The following SP4 variants were observed in gnomAD, a reference collection of about 807,000 sequenced individuals.
The protein encoded by SP4 is Sp4 transcription factor, also known as transcription factor Sp4.
In SP4, 19 loss-of-function variants were observed where a neutral mutation model predicts 72.8. The observed-to-expected ratio is 0.26, with a 90% CI of 0.18 to 0.38. The LOEUF (loss-of-function observed/expected upper bound fraction) is 0.38, where lower values mean the gene tolerates loss of function less well. Among genes scored for constraint, SP4 ranks in the 10% least tolerant of loss-of-function variants. The pLI, the probability that SP4 is intolerant of heterozygous loss-of-function variation, is 1.00. For synonymous variants in SP4, 395 were observed against 333.1 expected, an observed-to-expected ratio of 1.19 and a Z score of -2.02; for missense variants, 1,008 against 926.3, an observed-to-expected ratio of 1.09 and a Z score of -1.14.
intron 3 of SP4, among the ~76,000 whole-genome samples, chr7:21,461,949 A>G (rs1322243224): frequency 6.6e-6 from 1 of 152,212 alleles, no homozygotes; most frequent in Non-Finnish European, 1.5e-5. Context: ...AGGACAGGTG[A>G]AAAGGGTATG....
At chr7:21,484,452 A>G (rs1784762724) in intron 5 of SP4, among the ~76,000 whole-genome samples, 2 of 151,932 alleles carry the variant, frequency 1.3e-5, no homozygotes, top group Non-Finnish European at 2.9e-5. Context: ...AGATTTTTGT[A>G]TTAGGGATGC....
chr7:21,430,889 A>G (rs1782827466), intron 3 of SP4, 46 bp downstream of exon 3: 2 of 1,386,120 alleles, frequency 1.4e-6, no homozygotes, highest in Non-Finnish European at 2.0e-6. Flanking sequence ...AGTTTTTCAT[A>G]ACAATTATTG....
chr7:21,437,969 A>G (rs186621396), intron 3 of SP4, among the ~76,000 whole-genome samples: 1 of 152,210 alleles, frequency 6.6e-6, no homozygotes, highest in African/African-American at 2.4e-5. Context: ...AAAGAAAACA[A>G]GAAATTGTGA....
chr7:21,439,719 A>G (rs193038035), intron 3 of SP4, among the ~76,000 whole-genome samples: 94 of 152,092 alleles, frequency 6.2e-4, no homozygotes, highest in African/African-American at 2.0e-3. Flanking sequence ...GTGAGACTGT[A>G]CCTCTACGAA....
Position 21,475,075 on chromosome 7 carries a change from GCTTTGAAATAACCTCCCCCACC to G in SP4, c.1679-1999_1679-1978del, listed in dbSNP as rs543946498. 2.2e-4 allele frequency among the ~76,000 whole-genome samples: 34 copies of G among 151,714 alleles called. No homozygotes were observed. The South Asian group carries it at 6.7e-3, about 30-fold the overall frequency. ...ATACATTTAAGGTACTACATGTGCA[GCTTTGAAATAACCTCCCCCACC>G]CTTTTTTTGTTTTTTGTTTTTTGTT... On this transcript the variant is annotated intron_variant, in intron 3 of 5. Coordinates refer to ENST00000222584, the MANE Select transcript of SP4 (RefSeq NM_003112.5).
rs1049992973 is a variant in SP4 at position 21,429,984 on chromosome 7, C to T, written c.819C>T (p.Asn273=). The T allele has an allele frequency of 4.3e-6, 7 of 1,614,042 alleles. No individual in the cohort carries two copies. The highest frequency in any genetic ancestry group is 2.7e-5 in the African/African-American group (2 of 74,928). The part of the protein sequence containing the change: ...GVTLALPVIN[N]VAAGGGTGQV... ...CTCTAGCTTTGCCAGTGATAAACAA[C>T]GTGGCTGCCGGAGGAGGGACTGGGC... Residue 273 remains asparagine (N), a synonymous_variant, in exon 3 of 6, where the codon AAC becomes AAT. Coordinates refer to ENST00000222584, the MANE Select transcript of SP4 (RefSeq NM_003112.5).
chr7:21,466,042 C>T (rs887173892), intron 3 of SP4, among the ~76,000 whole-genome samples: 10 of 152,158 alleles, frequency 6.6e-5, no homozygotes, highest in African/African-American at 2.4e-4. Flanking sequence ...TCAGTGGATT[C>T]ATCTCCTCTG....
At chr7:21,461,576 A>G (rs374507449) in intron 3 of SP4, among the ~76,000 whole-genome samples, 7 of 152,226 alleles carry the variant, frequency 4.6e-5, no homozygotes, top group African/African-American at 1.7e-4. Flanking sequence ...CCGGAACTCT[A>G]GCTGGCCTGC....
At chr7:21,445,007 G>A (rs1437111885) in intron 3 of SP4, among the ~76,000 whole-genome samples, 1 of 152,130 alleles carries the variant, frequency 6.6e-6, no homozygotes, top group Non-Finnish European at 1.5e-5. Flanking sequence ...GAATTAGAAA[G>A]AAAGTTTTTA....
rs139023638 is a variant in SP4 at position 21,510,238 on chromosome 7, A to G, written c.2108-784A>G. Among the ~76,000 whole-genome samples the G allele has an allele frequency of 9.2e-3, 1,401 of 152,290 alleles. 20 individuals carry two copies. Among genetic ancestry groups the G allele is most frequent in the African/African-American group, 0.032 (1,345 of 41,550 alleles). On this transcript the variant is annotated intron_variant, in intron 5 of 5. Coordinates refer to ENST00000222584, the MANE Select transcript of SP4 (RefSeq NM_003112.5). ...AAACAACATTTCAGTCCCTTAAGTA[A>G]CAATTTTAGAGGGAAGATCTACGGC...
At chr7:21,440,781 C>G (rs750192384) in intron 3 of SP4, among the ~76,000 whole-genome samples, 1 of 152,086 alleles carries the variant, frequency 6.6e-6, no homozygotes, top group African/African-American at 2.4e-5. Flanking sequence ...GCCTGAAAGT[C>G]GAAGGTTGCA....
rs983274225 is a variant in SP4, at chr7:21,501,500, T to C, written c.2108-9522T>C. 2.6e-5 allele frequency among the ~76,000 whole-genome samples: 4 copies of C among 152,340 alleles called. No homozygotes were observed. The East Asian group carries it at 7.7e-4, about 29-fold the overall frequency. Reference sequence around the variant, plus strand: ...TATTTTGCTGGTTAAGTCATGGGCATTTGTTTATTAATAGCTGTTTTAATC... The same window carrying C: ...TATTTTGCTGGTTAAGTCATGGGCACTTGTTTATTAATAGCTGTTTTAATC... On this transcript the variant is annotated intron_variant, in intron 5 of 5. Transcript: ENST00000222584.
At chr7:21,458,285 T>A (rs1417043824) in intron 3 of SP4, among the ~76,000 whole-genome samples, 1 of 152,108 alleles carries the variant, frequency 6.6e-6, no homozygotes, top group Non-Finnish European at 1.5e-5. Context: ...CTCCGCCTCC[T>A]GGGTTCAAGC....
rs570288979 is a variant in SP4 at position 21,506,690 on chromosome 7, T to C, written c.2108-4332T>C. Among the ~76,000 whole-genome samples, 49 of 152,314 alleles carry C rather than the reference T, an allele frequency of 3.2e-4. No individual in the cohort carries two copies. The South Asian group carries it at 9.7e-3, about 30-fold the overall frequency. Reference sequence around the variant, plus strand: ...TGGTTTCTCTTTCCATCCATCAATCTTTTGTAATTTTTTGGTAATGTCAGG... The same window carrying C: ...TGGTTTCTCTTTCCATCCATCAATCCTTTGTAATTTTTTGGTAATGTCAGG... On this transcript the variant is annotated intron_variant, in intron 5 of 5. Coordinates refer to ENST00000222584, the MANE Select transcript of SP4 (RefSeq NM_003112.5).
chr7:21,450,274 A>C lies in SP4; in HGVS notation c.1678+19431A>C, dbSNP rs945846071. Among the ~76,000 whole-genome samples, 7 of 152,318 alleles carry C rather than the reference A, an allele frequency of 4.6e-5. No individual in the cohort carries two copies. The South Asian group carries it at 8.3e-4, about 18-fold the overall frequency. On this transcript the variant is annotated intron_variant, in intron 3 of 5. Transcript: ENST00000222584. ...TATTGTGAACAGAGCCAACATGAGAAATTGCTGACTAGGGATATCAATAAT... is the reference window on the plus strand; with the variant it reads ...TATTGTGAACAGAGCCAACATGAGACATTGCTGACTAGGGATATCAATAAT...
chr7:21,432,892 G>A (rs1234447333), intron 3 of SP4, among the ~76,000 whole-genome samples: 1 of 152,198 alleles, frequency 6.6e-6, no homozygotes, highest in Non-Finnish European at 1.5e-5. Context: ...GTCTTGGGAG[G>A]CTGAAGTAGG....
chr7:21,450,930 G>A (rs1295925489), intron 3 of SP4, among the ~76,000 whole-genome samples: 1 of 152,176 alleles, frequency 6.6e-6, no homozygotes, highest in Non-Finnish European at 1.5e-5. Flanking sequence ...AGGAAGTAAA[G>A]TACATGGAAA....
At chr7:21,495,380 G>A (rs899925601) in intron 5 of SP4, among the ~76,000 whole-genome samples, 2 of 151,680 alleles carry the variant, frequency 1.3e-5, no homozygotes, top group African/African-American at 4.8e-5. Context: ...ACCTTAAGAA[G>A]TTTTAAACTC....
At position 21,476,273 on chromosome 7, in the gene SP4, C is replaced by CAAAAAA. The variant is rs753166936; in HGVS notation, c.1679-788_1679-783dup. On this transcript the variant is annotated intron_variant, in intron 3 of 5. Transcript: ENST00000222584. ...TGGGCGACAGAGCAAGACTCCATCT[C>CAAAAAA]AAAAAAAAAAAAAAAAAAAAAAAGC... Among the ~76,000 whole-genome samples the CAAAAAA allele has an allele frequency of 1.8e-4, 9 of 49,592 alleles. 1 individual carries two copies. The South Asian group carries it at 3.1e-3, about 17-fold the overall frequency. The allele number at this position is 49,592 out of a possible 152,430, so 32.5% of individuals were successfully genotyped here.
Sources: gnomAD v4.1 joint callset for allele counts (sites outside exome capture counted in the v4.1 genomes callset) on GRCh38, gnomAD v4.1.1 for gene constraint, MANE v1.5 for transcripts, NCBI Gene and HGNC (gene_info 2026-07-23, HGNC 2026-07-21) for gene names.